Variants in DPY19L1 observed in about 807,000 individuals in gnomAD.
DPY19L1 encodes protein C-mannosyl-transferase DPY19L1.
A neutral mutation model predicts 96.9 loss-of-function variants in DPY19L1; 35 were observed. The observed-to-expected ratio is 0.36, with a 90% CI of 0.28 to 0.48. The LOEUF is 0.48. Ranked by LOEUF, DPY19L1 falls within the 20% of genes least tolerant of loss-of-function variation. The probability of loss-of-function intolerance (pLI) is 0.99; values close to 1 mark genes in which losing one functional copy is unlikely to be tolerated. For synonymous variants in DPY19L1, 205 were observed against 252.6 expected, an observed-to-expected ratio of 0.81 and a Z score of 1.79; for missense variants, 521 against 777.9, an observed-to-expected ratio of 0.67 and a Z score of 3.93.
chr7:34,965,617 T>A (rs909681497), intron 10 of DPY19L1, among the ~76,000 whole-genome samples: 7 of 152,154 alleles, frequency 4.6e-5, no homozygotes, highest in Admixed American at 2.6e-4. Context: ...GGTTGTTTAT[T>A]TTATGACCGT....
chr7:35,025,535 A>T (rs1786100309), intron 1 of DPY19L1, among the ~76,000 whole-genome samples: 1 of 152,130 alleles, frequency 6.6e-6, no homozygotes, highest in African/African-American at 2.4e-5. Context: ...TAGCAGCCTC[A>T]AGACATGGAT....
intron 21 of DPY19L1, among the ~76,000 whole-genome samples, chr7:34,934,513 T>C (rs1427620881): frequency 2.6e-5 from 4 of 152,216 alleles, no homozygotes; most frequent in African/African-American, 7.2e-5. Context: ...GCAATGCAGC[T>C]ACAAACAGTC....
rs1784946745 is a variant in DPY19L1 at position 34,981,842 on chromosome 7, T to C, written c.822+8042A>G. 1.3e-5 allele frequency among the ~76,000 whole-genome samples: 2 copies of C among 152,018 alleles called. 1 individual carries two copies. The highest frequency in any genetic ancestry group is 1.3e-4 in the Admixed American group (2 of 15,250). On this transcript the variant is annotated intron_variant, in intron 7 of 21. Coordinates refer to ENST00000638088, the MANE Select transcript of DPY19L1 (RefSeq NM_001366673.1). ...GGCACACACCTGTAATCCCAGCTAC[T>C]TGGGAGGCTGAGGCATGAGAATCCT... is the stretch of plus-strand genomic sequence containing the variant.
chr7:34,960,952 G>A (rs1252368264), intron 10 of DPY19L1, among the ~76,000 whole-genome samples: 4 of 152,048 alleles, frequency 2.6e-5, no homozygotes, highest in African/African-American at 9.7e-5. Context: ...GAGGCACTTA[G>A]ATACAAATTT....
chr7:34,946,424 T>G (rs572240862), intron 15 of DPY19L1, among the ~76,000 whole-genome samples: 1 of 152,332 alleles, frequency 6.6e-6, no homozygotes, highest in African/African-American at 2.4e-5. Flanking sequence ...TTACCATATT[T>G]CAAAGTAATT....
intron 10 of DPY19L1, among the ~76,000 whole-genome samples, chr7:34,965,162 A>G (rs1321106788): frequency 6.6e-6 from 1 of 152,176 alleles, no homozygotes; most frequent in Admixed American, 6.5e-5. Flanking sequence ...AACTCTCAAC[A>G]TATGTGCCCT....
At chr7:34,997,232 T>C (rs1785307207) in intron 6 of DPY19L1, among the ~76,000 whole-genome samples, 2 of 151,094 alleles carry the variant, frequency 1.3e-5, no homozygotes, top group Non-Finnish European at 2.9e-5. Flanking sequence ...TAAATATTCA[T>C]ACACAACTGC....
At chr7:35,012,633 T>G (rs1430587734) in intron 4 of DPY19L1, among the ~76,000 whole-genome samples, 1 of 151,814 alleles carries the variant, frequency 6.6e-6, no homozygotes, top group East Asian at 1.9e-4. Context: ...CCAGATAAAT[T>G]AAAAATGTAA....
At chr7:35,016,160 G>A (rs1384893774) in intron 3 of DPY19L1, among the ~76,000 whole-genome samples, 2 of 152,150 alleles carry the variant, frequency 1.3e-5, no homozygotes, top group Admixed American at 1.3e-4. Flanking sequence ...TGACAGAAAT[G>A]GTGGCTCATG....
At position 34,982,462 on chromosome 7, in the gene DPY19L1, G is replaced by A. The variant is rs544533555; in HGVS notation, c.822+7422C>T. ...ACTGGTAAATGAAACTGAATCTAGA[G>A]CATTTCTGTAAGTTTCAATTTGTTC... is the stretch of plus-strand genomic sequence containing the variant. On this transcript the variant is annotated intron_variant, in intron 7 of 21. Coordinates refer to ENST00000638088, the MANE Select transcript of DPY19L1 (RefSeq NM_001366673.1). Among the ~76,000 whole-genome samples the A allele has an allele frequency of 7.9e-5, 12 of 152,300 alleles. 1 individual carries two copies. Among genetic ancestry groups the A allele is most frequent in the Admixed American group, 2.0e-4 (3 of 15,306 alleles).
At position 35,011,372 on chromosome 7, in the gene DPY19L1, C is replaced by T. The variant is rs189464206; in HGVS notation, c.628G>A (p.Val210Ile). 9.3e-6 allele frequency: 15 copies of T among 1,613,588 alleles called. No individual in the cohort carries two copies. Among genetic ancestry groups the T allele is most frequent in the African/African-American group, 1.3e-5 (1 of 75,026 alleles). The change falls in exon 5 of 22, where the codon GTT becomes ATT. Residue 210 changes from valine to isoleucine, a missense_variant. Val to Ile is a conservative substitution (Grantham distance 29). Transcript: ENST00000638088. Reference protein sequence around the residue: ...IGIQTKICWTVTRGEGLSPIE... With the variant: ...IGIQTKICWTITRGEGLSPIE... ...GGACTGAGTCCTTCTCCTCTGGTAA[C>T]CGTCCAACATATCTTGGTTTGAATA...
chr7:34,963,508 C>G (rs1200892591), intron 10 of DPY19L1, among the ~76,000 whole-genome samples: 1 of 152,176 alleles, frequency 6.6e-6, no homozygotes, highest in Non-Finnish European at 1.5e-5. Context: ...AACAAGATCT[C>G]AAAAAATATT....
intron 10 of DPY19L1, among the ~76,000 whole-genome samples, chr7:34,966,386 C>T (rs184995884): frequency 1.9e-4 from 29 of 152,210 alleles, no homozygotes; most frequent in Admixed American, 1.1e-3. Context: ...CAGTCTCAAC[C>T]TCCTGGGCTA....
At chr7:34,935,886 G>A (rs1289818113) in intron 21 of DPY19L1, among the ~76,000 whole-genome samples, 1 of 152,224 alleles carries the variant, frequency 6.6e-6, no homozygotes, top group Non-Finnish European at 1.5e-5. Context: ...AGAAAGCACA[G>A]CTTTTGTTTT....
chr7:35,033,747 T>G (rs1243972759), intron 1 of DPY19L1, among the ~76,000 whole-genome samples: 1 of 152,140 alleles, frequency 6.6e-6, no homozygotes, highest in African/African-American at 2.4e-5. Context: ...CTTCTGCCTC[T>G]AAGAAGTCGC....
intron 3 of DPY19L1, among the ~76,000 whole-genome samples, chr7:35,014,170 T>C (rs1338429963): frequency 6.6e-6 from 1 of 152,112 alleles, no homozygotes; most frequent in Admixed American, 6.5e-5. Context: ...CATGCAAAAA[T>C]GCAAATGTGT....
At chr7:35,035,395 T>TCC (rs886182216) in intron 1 of DPY19L1, among the ~76,000 whole-genome samples, 5 of 152,092 alleles carry the variant, frequency 3.3e-5, no homozygotes, top group African/African-American at 1.2e-4. Flanking sequence ...CATGCATCCA[T>TCC]CCAAAGAAGA....
chr7:35,035,609 TACA>T (rs1466256372), intron 1 of DPY19L1, among the ~76,000 whole-genome samples: 6 of 152,366 alleles, frequency 3.9e-5, no homozygotes, highest in Admixed American at 6.5e-5. Flanking sequence ...TTTCTTTTAT[TACA>T]ACAACTACAA....
intron 9 of DPY19L1, among the ~76,000 whole-genome samples, chr7:34,967,189 G>A (rs1784629489): frequency 1.3e-5 from 2 of 152,102 alleles, no homozygotes; most frequent in Admixed American, 6.5e-5. Flanking sequence ...TCTCAATCAT[G>A]TGAATTGTCT....
Sources: allele counts gnomAD v4.1 joint callset (sites outside exome capture counted in the v4.1 genomes callset), GRCh38; gene constraint gnomAD v4.1.1; transcripts MANE v1.5; gene names NCBI Gene and HGNC (gene_info 2026-07-23, HGNC 2026-07-21).